Variants in CCDC39 observed in about 807,000 individuals in gnomAD.
CCDC39 encodes the protein coiled-coil domain 39 molecular ruler complex subunit, also known as coiled-coil domain-containing protein 39.
Under a neutral mutation model 121.0 loss-of-function variants are expected in CCDC39, and 113 were observed. The ratio of observed to expected loss-of-function variants is 0.93; its 90% confidence interval spans 0.80 to 1.09. CCDC39 has a LOEUF of 1.09. Among genes scored for constraint, CCDC39 ranks in the 50% least tolerant of loss-of-function variants. CCDC39 has a pLI of 0.00. For synonymous variants in CCDC39, 349 were observed against 352.2 expected (o/e 0.99, Z 0.10); for missense variants, 1,063 against 1,074.7 (o/e 0.99, Z 0.15).
Position 180,652,243 on chromosome 3 carries a change from C to T in CCDC39, c.954G>A (p.Val318=), listed in dbSNP as rs1439120562. The T allele has an allele frequency of 1.3e-6, 2 of 1,530,202 alleles. No individual in the cohort carries two copies. Among genetic ancestry groups the T allele is most frequent in the Admixed American group, 2.1e-5 (1 of 48,566 alleles). The allele number at this position is 1,530,202 out of a possible 1,614,324, so 94.8% of individuals were successfully genotyped here. The change falls in exon 8 of 20, where the codon GTG becomes GTA. Residue 318 remains valine, a synonymous_variant. Coordinates refer to ENST00000476379, the MANE Select transcript of CCDC39 (RefSeq NM_181426.2). ...KGELDSLKAT[V]NRTSSDLEAL... is the part of the protein sequence containing the mutation. Reference sequence around the variant, plus strand: ...CTTCTAAATCACTGGAAGTTCTATTCACAGTGGCTTTTAAAGAATCCAGCT... The same window carrying T: ...CTTCTAAATCACTGGAAGTTCTATTTACAGTGGCTTTTAAAGAATCCAGCT...
chr3:180,657,684 A>T (rs1258986821), intron 6 of CCDC39, among the ~76,000 whole-genome samples: 4 of 152,238 alleles, frequency 2.6e-5, no homozygotes, highest in Non-Finnish European at 5.9e-5. Flanking sequence ...AACAATGTAT[A>T]GCCAATCAAT....
chr3:180,644,508 A>G (rs1718028721), intron 11 of CCDC39, among the ~76,000 whole-genome samples: 1 of 152,178 alleles, frequency 6.6e-6, no homozygotes, highest in Non-Finnish European at 1.5e-5. Context: ...TAGGCAATAC[A>G]TAACTTCCAG....
At chr3:180,624,201 G>C (rs1337489291) in intron 14 of CCDC39, among the ~76,000 whole-genome samples, 1 of 151,858 alleles carries the variant, frequency 6.6e-6, no homozygotes, top group African/African-American at 2.4e-5. Flanking sequence ...TTACTGTTTT[G>C]ATTTAATATC....
intron 7 of CCDC39, among the ~76,000 whole-genome samples, chr3:180,653,113 T>C (rs964469499): frequency 6.6e-6 from 1 of 152,174 alleles, no homozygotes; most frequent in Non-Finnish European, 1.5e-5. Context: ...AAAATCAAAA[T>C]GGAGTCACTT....
chr3:180,618,947 G>GC (rs1717349040), intron 16 of CCDC39, among the ~76,000 whole-genome samples: 1 of 151,990 alleles, frequency 6.6e-6, no homozygotes, highest in African/African-American at 2.4e-5. Context: ...GTTTTAAGGA[G>GC]CAATCTTAAT....
intron 2 of CCDC39, among the ~76,000 whole-genome samples, chr3:180,663,062 T>A (rs974488942): frequency 2.0e-5 from 3 of 152,274 alleles, no homozygotes; most frequent in African/African-American, 7.2e-5. Context: ...TTTATTATAT[T>A]TATGTTAACA....
Position 180,679,150 on chromosome 3 carries a change from G to A in CCDC39, c.90+141C>T, listed in dbSNP as rs958106772. On this transcript the variant is annotated intron_variant, in intron 1 of 19. Coordinates refer to ENST00000476379, the MANE Select transcript of CCDC39 (RefSeq NM_181426.2). The surrounding 1 kb of genome is among the most constrained non-coding windows in gnomAD (Gnocchi z 4.0). ...AATAGGCAGAGAGGGTAAGGGAGGA[G>A]GGCGATGGTGCGGGGGAGTGTTAGA... 7 of 720,798 alleles carry A rather than the reference G, an allele frequency of 9.7e-6. No individual in the cohort carries two copies. In the African/African-American group the frequency reaches 1.2e-4, roughly 13 times the overall value. 44.7% of individuals were successfully genotyped at this position (720,798 alleles called of 1,614,324 possible).
intron 13 of CCDC39, among the ~76,000 whole-genome samples, 200 bp downstream of exon 13, chr3:180,641,793 G>C (rs1576941460): frequency 6.6e-6 from 1 of 152,052 alleles, no homozygotes; most frequent in East Asian, 1.9e-4. Flanking sequence ...TAATGTAAAA[G>C]GGACAATCTA....
At chr3:180,660,040 T>C (rs1711704389) in intron 4 of CCDC39, among the ~76,000 whole-genome samples, 1 of 150,044 alleles carries the variant, frequency 6.7e-6, no homozygotes, top group Non-Finnish European at 1.5e-5. Flanking sequence ...AATTTCCTAT[T>C]TGAAAGTTTT....
At chr3:180,665,987 C>T (rs913661553) in intron 1 of CCDC39, among the ~76,000 whole-genome samples, 1 of 151,908 alleles carries the variant, frequency 6.6e-6, no homozygotes, top group African/African-American at 2.4e-5. Flanking sequence ...TAAAATATTC[C>T]ATTTTAACCA....
intron 19 of CCDC39, among the ~76,000 whole-genome samples, chr3:180,615,338 A>G (rs1717191281): frequency 6.6e-6 from 1 of 152,154 alleles, no homozygotes; most frequent in Non-Finnish European, 1.5e-5. Flanking sequence ...GCTTTGAACT[A>G]TAATCAGTTT....
chr3:180,653,670 T>C (rs1027495274), intron 7 of CCDC39, among the ~76,000 whole-genome samples: 1 of 152,204 alleles, frequency 6.6e-6, no homozygotes, highest in African/African-American at 2.4e-5. Flanking sequence ...GGAGGCAACA[T>C]ACTTTTTTAT....
intron 16 of CCDC39, 113 bp downstream of exon 16, chr3:180,619,146 A>G (rs1283864824): frequency 1.0e-5 from 7 of 669,104 alleles, no homozygotes; most frequent in South Asian, 3.4e-5. Flanking sequence ...TACTTCCCTA[A>G]AAGAGATTCT....
At chr3:180,660,426 G>A (rs1290585394) in intron 4 of CCDC39, 144 bp downstream of exon 4, 2 of 602,364 alleles carry the variant, frequency 3.3e-6, no homozygotes, top group Non-Finnish European at 5.4e-6. Flanking sequence ...GAAGACATTT[G>A]GCTTTATTAG....
rs764437057 is a variant in CCDC39 at position 180,616,547 on chromosome 3, A to T, written c.2555T>A (p.Ile852Asn). 3.5e-5 allele frequency: 55 copies of T among 1,587,590 alleles called. No homozygotes were observed. Among genetic ancestry groups the T allele is most frequent in the Non-Finnish European group, 4.5e-5 (53 of 1,167,134 alleles). The change falls in exon 18 of 20, where the codon ATC becomes AAC. Residue 852 changes from isoleucine (I) to asparagine (N), a missense_variant. By Grantham distance (149) the Ile-to-Asn change is moderately radical (BLOSUM62 -3). Transcript: ENST00000476379. ...AAAGTATGTTTGAAGGATAATACGG[A>T]TCTCAGTATTTTCTTCTATGATATC... ...LVDIIEENTE[I>N]RIILQTYFQQ... is the part of the protein sequence containing the mutation.
intron 1 of CCDC39, among the ~76,000 whole-genome samples, chr3:180,670,411 AAAG>A (rs1712007078): frequency 6.6e-6 from 1 of 152,076 alleles, no homozygotes; most frequent in East Asian, 1.9e-4. Context: ...AATCCAAGGC[AAAG>A]AAGAAAAGAA....
chr3:180,619,482 C>G (rs1717363495), intron 15 of CCDC39, 117 bp from the exon 16 acceptor site: 1 of 654,918 alleles, frequency 1.5e-6, no homozygotes, highest in Admixed American at 3.0e-5. Flanking sequence ...TTTTTATATC[C>G]ACTTGTAGAA....
chr3:180,677,203 T>TATATACACAC (rs1712257346), intron 1 of CCDC39, among the ~76,000 whole-genome samples: 1 of 100,496 alleles, frequency 1.0e-5, no homozygotes, highest in African/African-American at 3.8e-5. Context: ...TATATATATA[T>TATATACACAC]ATATATATAT....
At chr3:180,664,727 C>G (rs1296717462) in intron 1 of CCDC39, among the ~76,000 whole-genome samples, 1 of 148,254 alleles carries the variant, frequency 6.7e-6, no homozygotes, top group African/African-American at 2.5e-5. Flanking sequence ...TGGAGTCTTG[C>G]TCTTGTCACC....
Sources: gnomAD v4.1 joint callset for allele counts (sites outside exome capture counted in the v4.1 genomes callset) on GRCh38, gnomAD v4.1.1 for gene constraint, Gnocchi (gnomAD v3.1) non-coding constraint, MANE v1.5 for transcripts, NCBI Gene and HGNC (gene_info 2026-07-23, HGNC 2026-07-21) for gene names.